The following IGSF23 variants were observed in gnomAD, a reference collection of about 807,000 sequenced individuals.
IGSF23 encodes immunoglobulin superfamily, member 23.
IGSF23 carries 14 observed loss-of-function variants against 17.8 expected under a neutral mutation model. That is an observed-to-expected ratio of 0.79 (90% CI 0.52 to 1.23). The LOEUF (loss-of-function observed/expected upper bound fraction) is 1.23. Ranked by LOEUF, IGSF23 falls within the 50% of genes most tolerant of loss-of-function variation. The probability of loss-of-function intolerance (pLI) is 0.00; values close to 1 mark genes in which losing one functional copy is unlikely to be tolerated. For synonymous variants in IGSF23, 85 were observed against 92.5 expected (o/e 0.92, Z 0.46); for missense variants, 214 against 241.7 (o/e 0.89, Z 0.76).
intron 3 of IGSF23, among the ~76,000 whole-genome samples, chr19:44,631,541 C>T (rs191065689): frequency 2.3e-4 from 35 of 152,092 alleles, no homozygotes; most frequent in Admixed American, 1.8e-3. Context: ...TCTAACCCAG[C>T]GGTGCTAGAG....
intron 3 of IGSF23, 120 bp downstream of exon 3, chr19:44,627,693 C>T (rs929417813): frequency 2.4e-5 from 28 of 1,180,482 alleles, no homozygotes; most frequent in Admixed American, 1.3e-4. Flanking sequence ...AGGGTGATAG[C>T]GACTCCTGAG....
At chr19:44,614,101 C>G in intron 1 of IGSF23, 1 of 825,178 alleles carries the variant, frequency 1.2e-6, no homozygotes, top group Non-Finnish European at 1.8e-6. Flanking sequence ...GTTTGAGGCC[C>G]ATGCAGCTCA....
At chr19:44,614,040 G>A (rs1313805487) in intron 1 of IGSF23, 9 of 1,401,064 alleles carry the variant, frequency 6.4e-6, no homozygotes, top group East Asian at 3.1e-5. Context: ...AAGGAGGAGA[G>A]TGTCTCCTTA....
rs199848231 is a variant in IGSF23, at chr19:44,615,399, G to A, written c.125+1629G>A. Among the ~76,000 whole-genome samples, 21 of 152,042 alleles carry A rather than the reference G, an allele frequency of 1.4e-4. No individual in the cohort carries two copies. In the East Asian group the frequency reaches 1.7e-3, roughly 13 times the overall value. ...AGCACTTTGGGAGGCCAAGGCGGGC[G>A]GATCATCTGAGGTCAGGAATTCAAG... On this transcript the variant is annotated intron_variant, in intron 1 of 4. Coordinates refer to ENST00000402988, the MANE Select transcript of IGSF23 (RefSeq NM_001205280.2).
intron 3 of IGSF23, among the ~76,000 whole-genome samples, chr19:44,628,390 A>G (rs1476501460): frequency 1.3e-5 from 2 of 152,202 alleles, no homozygotes; most frequent in Non-Finnish European, 2.9e-5. Context: ...CCCTGCCCTC[A>G]TGGAACTTGC....
Position 44,613,796 on chromosome 19 carries a change from G to A in IGSF23, c.125+26G>A, listed in dbSNP as rs1972304574. The stretch of plus-strand genomic sequence containing the variant: ...GTAAGTCATGTGGGGAAGTGGCCAG[G>A]GTAGGGCATGGTCATCGTGAGCAGG... On this transcript the variant is annotated intron_variant, in intron 1 of 4. Coordinates refer to ENST00000402988, the MANE Select transcript of IGSF23 (RefSeq NM_001205280.2). 3.2e-6 allele frequency: 5 copies of A among 1,549,782 alleles called. No homozygotes were observed. The South Asian group carries it at 4.8e-5, about 15-fold the overall frequency.
chr19:44,618,044 A>C (rs1273193413), intron 1 of IGSF23: 2 of 469,820 alleles, frequency 4.3e-6, no homozygotes, highest in African/African-American at 4.0e-5. Context: ...GAGAGGAATC[A>C]ATGATTCCTC....
At chr19:44,616,346 G>A (rs846893) in intron 1 of IGSF23, among the ~76,000 whole-genome samples, 23,861 of 152,064 alleles carry the variant, frequency 0.16, 2,039 homozygotes, top group East Asian at 0.35. Flanking sequence ...AGGAGCAGAC[G>A]TTGTTTTTTG....
intron 3 of IGSF23, among the ~76,000 whole-genome samples, chr19:44,628,585 T>C (rs966630721): frequency 2.6e-5 from 4 of 151,900 alleles, no homozygotes; most frequent in Non-Finnish European, 4.4e-5. Flanking sequence ...TCTTGTCATC[T>C]CTCTCAAAAT....
In IGSF23 at chr19:44,623,916, T is replaced by C. The variant is rs147996658; in HGVS notation, c.335T>C (p.Ile112Thr). ...GAGCAGCTGGGCACCTACATGTGCA[T>C]AGCCACAAACAGCAAGAAACAGCTG... Reference protein sequence around the residue: ...SCEQLGTYMCIATNSKKQLVS... With the variant: ...SCEQLGTYMCTATNSKKQLVS... Residue 112 changes from isoleucine (I) to threonine (T), a missense_variant, in exon 2 of 5, where the codon ATA becomes ACA. By Grantham distance (89) the Ile-to-Thr change is moderately conservative (BLOSUM62 -1). Transcript: ENST00000402988. 3.2e-6 allele frequency: 5 copies of C among 1,550,786 alleles called. No individual in the cohort carries two copies. The highest frequency in any genetic ancestry group is 2.4e-5 in the East Asian group (1 of 40,912).
intron 3 of IGSF23, among the ~76,000 whole-genome samples, chr19:44,634,799 C>CA (rs1202960201): frequency 5.0e-5 from 6 of 120,498 alleles, no homozygotes; most frequent in African/African-American, 2.0e-4. Flanking sequence ...AGACTGTCTC[C>CA]AAAAAAAAGA....
At chr19:44,617,036 C>G (rs954816981) in intron 1 of IGSF23, among the ~76,000 whole-genome samples, 1 of 151,832 alleles carries the variant, frequency 6.6e-6, no homozygotes, top group Non-Finnish European at 1.5e-5. Flanking sequence ...GTAGCTGGGA[C>G]TACAGGCGCG....
intron 3 of IGSF23, among the ~76,000 whole-genome samples, chr19:44,631,694 G>T (rs1972770182): frequency 6.6e-6 from 1 of 152,218 alleles, no homozygotes. Context: ...TTAACTAAAA[G>T]TATCCCTTAT....
At chr19:44,623,642 A>G (rs1374982572) in intron 1 of IGSF23, 65 bp from the exon 2 acceptor site, 6 of 1,445,994 alleles carry the variant, frequency 4.1e-6, no homozygotes, top group Non-Finnish European at 5.7e-6. Flanking sequence ...GGTGGGCAGA[A>G]GAAATGCCCA....
At chr19:44,616,129 C>CA (rs1382505406) in intron 1 of IGSF23, among the ~76,000 whole-genome samples, 3 of 151,978 alleles carry the variant, frequency 2.0e-5, no homozygotes, top group African/African-American at 7.3e-5. Flanking sequence ...CCAGGACAAG[C>CA]GTAGGGGTGG....
intron 2 of IGSF23, 52 bp downstream of exon 2, chr19:44,624,024 C>T: frequency 6.8e-7 from 1 of 1,480,618 alleles, no homozygotes; most frequent in Non-Finnish European, 9.0e-7. Context: ...CCTGCACCCT[C>T]TCCAGCCTGT....
At chr19:44,635,555 C>A in intron 4 of IGSF23, 90 bp downstream of exon 4, 1 of 837,266 alleles carries the variant, frequency 1.2e-6, no homozygotes. Flanking sequence ...TTCCTCCCTC[C>A]TGGTTCCCTG....
intron 1 of IGSF23, chr19:44,618,128 G>A (rs929752140): frequency 1.9e-5 from 9 of 470,928 alleles, no homozygotes; most frequent in South Asian, 3.1e-5. Context: ...TGCCCTTCTC[G>A]GCACAGCTGA....
chr19:44,613,650 G>C lies in IGSF23; in HGVS notation c.5G>C (p.Arg2Thr), dbSNP rs1972300280. 2.6e-6 allele frequency: 4 copies of C among 1,547,742 alleles called. No individual in the cohort carries two copies. In the East Asian group the frequency reaches 9.8e-5, roughly 38 times the overall value. ...CGGGGATTGTACGGTGAGAGAATGAGAGCAAAACCTCAGAGCCCCCTTCCC... is the reference window on the plus strand; with the variant it reads ...CGGGGATTGTACGGTGAGAGAATGACAGCAAAACCTCAGAGCCCCCTTCCC... M[R>T]AKPQSPLPRN... Residue 2 changes from arginine to threonine, a missense_variant, in exon 1 of 5, where the codon AGA (arginine) becomes ACA (threonine). Physicochemically the swap from Arg to Thr is moderately conservative, Grantham distance 71 (BLOSUM62 -1). Transcript: ENST00000402988.
Sources: gnomAD v4.1 joint callset for allele counts (sites outside exome capture counted in the v4.1 genomes callset) on GRCh38, gnomAD v4.1.1 for gene constraint, MANE v1.5 for transcripts, NCBI Gene and HGNC (gene_info 2026-07-23, HGNC 2026-07-21) for gene names.